Variants in NFATC1 observed in about 807,000 individuals in gnomAD.
NFATC1 encodes nuclear factor of activated T-cells, cytoplasmic 1.
In NFATC1, 22 loss-of-function variants were observed where a neutral mutation model predicts 76.0. The ratio of observed to expected loss-of-function variants is 0.29; its 90% CI spans 0.21 to 0.41. NFATC1 has a LOEUF of 0.41. Ranked by LOEUF, NFATC1 falls within the 10% of genes least tolerant of loss-of-function variation. The pLI is 1.00. For synonymous variants in NFATC1, 704 were observed against 613.1 expected (o/e 1.15, Z -2.19); for missense variants, 1,357 against 1,337.7 (o/e 1.01, Z -0.23).
intron 9 of NFATC1, among the ~76,000 whole-genome samples, chr18:79,515,338 C>CA (rs75194540): frequency 0.093 from 5,874 of 63,146 alleles, 525 homozygotes; most frequent in African/African-American, 0.25. Context: ...GACTCCATCT[C>CA]AAAAAAAAAA....
intron 8 of NFATC1, among the ~76,000 whole-genome samples, chr18:79,482,316 G>C (rs1336979094): frequency 1.6e-4 from 22 of 139,198 alleles, no homozygotes; most frequent in East Asian, 1.2e-3. Flanking sequence ...AGCGTGACCT[G>C]GTTCCTGGGG....
chr18:79,527,349 A>G, intron 9 of NFATC1, 179 bp from the exon 10 acceptor site: 1 of 581,142 alleles, frequency 1.7e-6, no homozygotes, highest in Non-Finnish European at 3.1e-6. Context: ...CTGCCGAGGC[A>G]GCCAGGCACT....
intron 3 of NFATC1, chr18:79,448,563 G>A (rs181910811): frequency 1.4e-4 from 81 of 587,944 alleles, no homozygotes; most frequent in Non-Finnish European, 2.0e-4. Context: ...TGCAAGGCCC[G>A]TTTCAAAGCC....
At chr18:79,499,836 C>T (rs1033349318) in intron 9 of NFATC1, among the ~76,000 whole-genome samples, 2 of 152,086 alleles carry the variant, frequency 1.3e-5, no homozygotes, top group African/African-American at 2.4e-5. Flanking sequence ...ACACTAATAT[C>T]AGACAAATTA....
At chr18:79,420,645 C>T (rs533961458) in intron 2 of NFATC1, among the ~76,000 whole-genome samples, 19 of 138,954 alleles carry the variant, frequency 1.4e-4, no homozygotes, top group African/African-American at 5.2e-4. Flanking sequence ...CGTTTCCAGG[C>T]AAGGTCGCTG....
chr18:79,418,353 T>C (rs932091355), intron 2 of NFATC1, among the ~76,000 whole-genome samples: 1 of 152,156 alleles, frequency 6.6e-6, no homozygotes, highest in African/African-American at 2.4e-5. Flanking sequence ...AGAACTGGAC[T>C]CTGCCATGAT....
intron 9 of NFATC1, among the ~76,000 whole-genome samples, chr18:79,509,642 T>G (rs529351501): frequency 6.6e-6 from 1 of 152,356 alleles, no homozygotes; most frequent in Admixed American, 6.5e-5. Context: ...AGGTCAGTGA[T>G]CTCCATTAGA....
At chr18:79,526,324 G>T (rs1202329195) in intron 9 of NFATC1, among the ~76,000 whole-genome samples, 1 of 152,272 alleles carries the variant, frequency 6.6e-6, no homozygotes, top group Non-Finnish European at 1.5e-5. Context: ...CCTCTGCAGA[G>T]AGCCTGGCTC....
chr18:79,472,650 AC>A (rs1291410126), intron 8 of NFATC1, among the ~76,000 whole-genome samples: 4 of 144,792 alleles, frequency 2.8e-5, no homozygotes, highest in Non-Finnish European at 6.0e-5. Flanking sequence ...CCCTCCCCTC[AC>A]CCCACACACT....
chr18:79,476,692 C>T (rs1166935704), intron 8 of NFATC1, among the ~76,000 whole-genome samples: 3 of 152,186 alleles, frequency 2.0e-5, no homozygotes, highest in Non-Finnish European at 4.4e-5. Flanking sequence ...TCTCTCACCC[C>T]GACCGACACA....
chr18:79,487,070 G>T, intron 9 of NFATC1, 133 bp downstream of exon 9: 1 of 1,063,300 alleles, frequency 9.4e-7, no homozygotes, highest in Non-Finnish European at 1.3e-6. Flanking sequence ...TGTGGGGTGC[G>T]TCCTCCTGAT....
chr18:79,450,061 G>A (rs963530771), intron 4 of NFATC1, among the ~76,000 whole-genome samples: 5 of 152,164 alleles, frequency 3.3e-5, no homozygotes, highest in African/African-American at 9.7e-5. Context: ...CGTAGTAAAC[G>A]TCCTGGCTTC....
intron 2 of NFATC1, chr18:79,422,058 G>A (rs1036721857): frequency 2.0e-5 from 3 of 152,176 alleles, no homozygotes; most frequent in African/African-American, 7.2e-5. Flanking sequence ...AGTATTACCC[G>A]TGAATCACCT....
intron 6 of NFATC1, among the ~76,000 whole-genome samples, chr18:79,455,152 T>G (rs1411957843): frequency 6.6e-6 from 1 of 152,228 alleles, no homozygotes; most frequent in Non-Finnish European, 1.5e-5. Context: ...AACAACCTCC[T>G]TTTCTTAAGT....
chr18:79,477,959 C>A (rs2089139890), intron 8 of NFATC1, among the ~76,000 whole-genome samples: 1 of 152,316 alleles, frequency 6.6e-6, no homozygotes, highest in African/African-American at 2.4e-5. Flanking sequence ...ACACCACTCT[C>A]AAGTAGAGTC....
chr18:79,476,726 G>C (rs77063573), intron 8 of NFATC1, among the ~76,000 whole-genome samples: 2,479 of 152,322 alleles, frequency 0.016, 33 homozygotes, highest in Non-Finnish European at 0.026. Context: ...GGGGCAAAGT[G>C]AGATCATGAA....
chr18:79,495,645 G>A (rs1284400960), intron 9 of NFATC1, among the ~76,000 whole-genome samples: 4 of 152,262 alleles, frequency 2.6e-5, no homozygotes, highest in Non-Finnish European at 5.9e-5. Flanking sequence ...TTCACGGCCA[G>A]TGGCAGCAAA....
chr18:79,515,876 CTAG>C (rs796675606), intron 9 of NFATC1: 2 of 152,002 alleles, frequency 1.3e-5, no homozygotes, highest in African/African-American at 4.8e-5. Context: ...CATATACTTC[CTAG>C]TAGAACAAAG....
intron 2 of NFATC1, among the ~76,000 whole-genome samples, chr18:79,428,079 G>T (rs1326582029): frequency 7.5e-6 from 1 of 133,088 alleles, no homozygotes; most frequent in Non-Finnish European, 1.6e-5. Context: ...GGGTCGGGGG[G>T]CCTGGACAGC....
Sources: allele counts gnomAD v4.1 joint callset (sites outside exome capture counted in the v4.1 genomes callset), GRCh38; gene constraint gnomAD v4.1.1; transcripts MANE v1.5; gene names NCBI Gene and HGNC (gene_info 2026-07-23, HGNC 2026-07-21).